RIMS2: variants seen among roughly 807,000 people sequenced by gnomAD.
RIMS2 encodes the protein regulating synaptic membrane exocytosis 2, also known as regulating synaptic membrane exocytosis protein 2.
A neutral mutation model predicts 174.4 loss-of-function variants in RIMS2; 59 were observed. The observed-to-expected ratio is 0.34, with a 90% CI of 0.27 to 0.42. RIMS2 has a LOEUF of 0.42. Ranked by LOEUF, RIMS2 falls within the 10% of genes least tolerant of loss-of-function variation. The pLI, the probability that RIMS2 is intolerant of heterozygous loss-of-function variation, is 1.00. For synonymous variants in RIMS2, 606 were observed against 572.5 expected, an observed-to-expected ratio of 1.06 and a Z score of -0.84; for missense variants, 1,620 against 1,666.3, an observed-to-expected ratio of 0.97 and a Z score of 0.48.
At chr8:103,921,048 A>AACAAC (rs1595176259) in intron 9 of RIMS2, 3 of 196,986 alleles carry the variant, frequency 1.5e-5, no homozygotes, top group East Asian at 1.8e-4. Context: ...ACAACAACAA[A>AACAAC]AACAGGTCTT....
chr8:103,868,412 GA>G (rs1388308641), intron 3 of RIMS2, among the ~76,000 whole-genome samples: 1 of 151,630 alleles, frequency 6.6e-6, no homozygotes, highest in Non-Finnish European at 1.5e-5. Flanking sequence ...TTACTCTCTG[GA>G]TTTTTTCCTT....
At chr8:104,091,420 C>A (rs2097654463) in intron 19 of RIMS2, among the ~76,000 whole-genome samples, 1 of 151,248 alleles carries the variant, frequency 6.6e-6, no homozygotes, top group South Asian at 2.1e-4. Flanking sequence ...AGAAAAGTCT[C>A]CCATACGGAG....
intron 2 of RIMS2, among the ~76,000 whole-genome samples, chr8:103,753,245 T>G (rs909722231): frequency 6.6e-6 from 1 of 152,224 alleles, no homozygotes; most frequent in Non-Finnish European, 1.5e-5. Flanking sequence ...ATTTATTGAT[T>G]TGCGTATATT....
intron 19 of RIMS2, among the ~76,000 whole-genome samples, chr8:104,128,827 A>G (rs115583195): frequency 0.021 from 3,264 of 152,312 alleles, 119 homozygotes; most frequent in African/African-American, 0.075. Context: ...ATTTAAATTA[A>G]AAAATAGTTA....
chr8:103,858,510 A>G (rs1428186895), intron 3 of RIMS2, among the ~76,000 whole-genome samples: 1 of 151,982 alleles, frequency 6.6e-6, no homozygotes, highest in African/African-American at 2.4e-5. Context: ...CATCTAATTC[A>G]GAACCTAGTT....
intron 3 of RIMS2, chr8:103,819,367 C>G: frequency 6.5e-7 from 1 of 1,537,462 alleles, no homozygotes; most frequent in Non-Finnish European, 8.7e-7. Flanking sequence ...AACCTCTGTT[C>G]ATTTAAGCAC....
At chr8:103,640,276 T>G (rs916732982) in intron 1 of RIMS2, among the ~76,000 whole-genome samples, 2 of 151,920 alleles carry the variant, frequency 1.3e-5, no homozygotes, top group African/African-American at 2.4e-5. Context: ...GTCTTTTCTT[T>G]TTTCCTTGAT....
At chr8:103,502,858 C>G (rs1163825844) in intron 1 of RIMS2, among the ~76,000 whole-genome samples, 1 of 151,710 alleles carries the variant, frequency 6.6e-6, no homozygotes, top group Non-Finnish European at 1.5e-5. Flanking sequence ...CACTGTAGTT[C>G]TAAGTTTATT....
intron 1 of RIMS2, among the ~76,000 whole-genome samples, chr8:103,586,812 A>T (rs1318326721): frequency 1.3e-5 from 2 of 152,184 alleles, no homozygotes; most frequent in East Asian, 3.9e-4. Context: ...GGCTTTTTGA[A>T]TTGTTAAAAA....
intron 19 of RIMS2, among the ~76,000 whole-genome samples, chr8:104,218,304 T>TC (rs2099140141): frequency 6.6e-6 from 1 of 152,222 alleles, no homozygotes; most frequent in African/African-American, 2.4e-5. Flanking sequence ...GCTTTTTTTT[T>TC]CTTTTTCCAT....
intron 1 of RIMS2, chr8:103,501,263 C>T: frequency 3.1e-6 from 1 of 327,752 alleles, no homozygotes; most frequent in Admixed American, 5.1e-5. Flanking sequence ...GGAGGGAGGG[C>T]GCCAAGGCCG....
intron 2 of RIMS2, among the ~76,000 whole-genome samples, chr8:103,747,599 A>G (rs1218295463): frequency 6.6e-6 from 1 of 152,078 alleles, no homozygotes; most frequent in Non-Finnish European, 1.5e-5. Flanking sequence ...GGCTAAGGTA[A>G]TTGTGGTGGA....
intron 1 of RIMS2, among the ~76,000 whole-genome samples, chr8:103,638,995 G>A (rs1256796329): frequency 6.6e-6 from 1 of 151,934 alleles, no homozygotes; most frequent in Admixed American, 6.6e-5. Flanking sequence ...TGCTGGCAGG[G>A]TTCATTCTAG....
rs1275969157 is a variant in RIMS2, at chr8:104,251,166, A to G, written c.3831+3A>G. ...GTCCACAAGGAAAAGTTTTACAGGTATCTACTTAATTGTTTATCCCTTACC... is the reference window on the plus strand; with the variant it reads ...GTCCACAAGGAAAAGTTTTACAGGTGTCTACTTAATTGTTTATCCCTTACC... On this transcript the variant is annotated splice_donor_region_variant and intron_variant, in intron 23 of 23. Coordinates refer to ENST00000504942, the Ensembl canonical transcript of RIMS2. The G allele has an allele frequency of 2.5e-6, 4 of 1,606,684 alleles. No homozygotes were observed. Among genetic ancestry groups the G allele is most frequent in the South Asian group, 1.1e-5 (1 of 90,324 alleles).
chr8:103,757,018 AGAG>A (rs2098027801), intron 2 of RIMS2, among the ~76,000 whole-genome samples: 2 of 147,404 alleles, frequency 1.4e-5, no homozygotes, highest in African/African-American at 5.1e-5. Context: ...TGTGAGAGAG[AGAG>A]AGAGAGAGAG....
At chr8:103,518,007 G>A (rs1028873131) in intron 1 of RIMS2, among the ~76,000 whole-genome samples, 3 of 151,916 alleles carry the variant, frequency 2.0e-5, no homozygotes, top group African/African-American at 7.3e-5. Context: ...CCCTTGGCCC[G>A]CGGGTTGGAC....
chr8:103,714,253 T>C (rs907980189), intron 2 of RIMS2, among the ~76,000 whole-genome samples: 1 of 152,202 alleles, frequency 6.6e-6, no homozygotes, highest in Non-Finnish European at 1.5e-5. Flanking sequence ...GGGATAAGCA[T>C]TGCATTTAAG....
At chr8:104,130,726 G>C (rs1199155889) in intron 19 of RIMS2, among the ~76,000 whole-genome samples, 1 of 152,108 alleles carries the variant, frequency 6.6e-6, no homozygotes, top group East Asian at 1.9e-4. Context: ...TGGCATAAAA[G>C]AAAGCACATC....
intron 1 of RIMS2, among the ~76,000 whole-genome samples, chr8:103,639,642 G>C (rs1010015801): frequency 6.6e-6 from 1 of 151,840 alleles, no homozygotes; most frequent in Non-Finnish European, 1.5e-5. Context: ...TTTTATTGCT[G>C]AGTAGTATTC....
Sources: allele counts gnomAD v4.1 joint callset (sites outside exome capture counted in the v4.1 genomes callset), GRCh38; gene constraint gnomAD v4.1.1; transcripts MANE v1.5; gene names NCBI Gene and HGNC (gene_info 2026-07-23, HGNC 2026-07-21).